LEF1: variants seen among roughly 807,000 people sequenced by gnomAD.
LEF1 encodes lymphoid enhancer binding factor 1.
Under a neutral mutation model 51.2 loss-of-function variants are expected in LEF1, and 14 were observed. The ratio of observed to expected loss-of-function variants is 0.27; its 90% CI spans 0.18 to 0.43. LEF1 has a LOEUF of 0.43. Ranked by LOEUF, LEF1 falls within the 20% of genes least tolerant of loss-of-function variation. LEF1 has a pLI of 1.00. For synonymous variants in LEF1, 185 were observed against 183.2 expected (o/e 1.01, Z -0.08); for missense variants, 386 against 512.0 (o/e 0.75, Z 2.37).
At position 108,048,650 on chromosome 4, in the gene LEF1, G is replaced by C. The variant is rs867508812; in HGVS notation, c.*108C>G. The C allele has an allele frequency of 2.6e-6, 4 of 1,546,246 alleles. No homozygotes were observed. The highest frequency in any genetic ancestry group is 2.7e-5 in the African/African-American group (2 of 73,038). On this transcript the variant is annotated 3_prime_UTR_variant, in exon 12 of 12. Coordinates refer to ENST00000265165, the MANE Select transcript of LEF1 (RefSeq NM_016269.5). ...TGTTCCTTTGGGGTCGACTGGGCAG[G>C]CCGTGGAGACAGTCTGGGTTTTCAA...
chr4:108,168,479 GAGA>G lies in LEF1; in HGVS notation c.-715_-713del, dbSNP rs1476346001. 1 of 152,288 alleles carries G rather than the reference GAGA, an allele frequency of 6.6e-6. No individual in the cohort carries two copies. The highest frequency in any genetic ancestry group is 3.2e-3 in the Middle Eastern group (1 of 316). 9.4% of individuals were successfully genotyped at this position (152,288 alleles called of 1,614,324 possible). Reference sequence around the variant, plus strand: ...TTCTCGAGGCTCATTTAATCTGCTAGAGAAGGAGGAGGAGCAGAAGATGGGGGC... The same window carrying G: ...TTCTCGAGGCTCATTTAATCTGCTAGAGGAGGAGGAGCAGAAGATGGGGGC... On this transcript the variant is annotated 5_prime_UTR_variant, in exon 1 of 12. Coordinates refer to ENST00000265165, the MANE Select transcript of LEF1 (RefSeq NM_016269.5). This position sits in a 1 kb window ranked among gnomAD's most constrained non-coding sequence, Gnocchi z 4.6.
Position 108,146,139 on chromosome 4 carries a change from C to T in LEF1, c.414+17429G>A, listed in dbSNP as rs142845210. ...GAGGAAAAGCTCTCCTGGACATGTT[C>T]TCCATGAGTAAAAACAACTGTGTTG... On this transcript the variant is annotated intron_variant, in intron 3 of 11. Transcript: ENST00000265165. 8.2e-4 allele frequency among the ~76,000 whole-genome samples: 125 copies of T among 152,350 alleles called. 1 individual carries two copies. The highest frequency in any genetic ancestry group is 3.1e-3 in the Admixed American group (48 of 15,310).
chr4:108,053,134 G>A (rs1737111243), intron 11 of LEF1, among the ~76,000 whole-genome samples: 1 of 152,132 alleles, frequency 6.6e-6, no homozygotes, highest in Non-Finnish European at 1.5e-5. Flanking sequence ...TCCTGGTGGA[G>A]GCAGTCTACA....
intron 3 of LEF1, among the ~76,000 whole-genome samples, chr4:108,096,387 A>G (rs1268021545): frequency 6.6e-6 from 1 of 152,196 alleles, no homozygotes; most frequent in Non-Finnish European, 1.5e-5. Context: ...GCAGAGCGAG[A>G]ATCCAATGGT....
rs1281555729 is a variant in LEF1 at position 108,165,159 on chromosome 4, G to A, written c.218C>T (p.Ala73Val). ...IIPASNGHEV[A>V]RQAQTSQEPY... ...CTCCTGAGAGGTTTGTGCTTGTCTG[G>A]CCACCTAACATCATGAATCCCCACA... The change falls in exon 2 of 12, where the codon GCC becomes GTC. Residue 73 changes from alanine (A) to valine (V), a missense_variant. This residue lies in a region of LEF1 where 335 missense variants were observed against 390.7 expected (regional missense o/e 0.86). Coordinates refer to ENST00000265165, the MANE Select transcript of LEF1 (RefSeq NM_016269.5). 1 of 1,613,776 alleles carries A rather than the reference G, an allele frequency of 6.2e-7. No individual in the cohort carries two copies. The highest frequency in any genetic ancestry group is 8.5e-7 in the Non-Finnish European group (1 of 1,179,902).
At chr4:108,124,003 C>G (rs1467913667) in intron 3 of LEF1, among the ~76,000 whole-genome samples, 2 of 151,974 alleles carry the variant, frequency 1.3e-5, no homozygotes, top group Non-Finnish European at 2.9e-5. Context: ...CTAAAAATAG[C>G]CATGTGTGAT....
chr4:108,130,614 C>G (rs990442397), intron 3 of LEF1, among the ~76,000 whole-genome samples: 4 of 149,748 alleles, frequency 2.7e-5, no homozygotes, highest in Non-Finnish European at 5.9e-5. Context: ...CCTGTAATCC[C>G]AGGTACTAGG....
intron 11 of LEF1, among the ~76,000 whole-genome samples, chr4:108,054,177 T>C (rs2126255635): frequency 1.3e-5 from 2 of 152,306 alleles, no homozygotes; most frequent in South Asian, 2.1e-4. Flanking sequence ...GGTTACCACC[T>C]GGAAATCTCG....
At chr4:108,062,515 C>T (rs1737763974) in intron 11 of LEF1, among the ~76,000 whole-genome samples, 1 of 152,144 alleles carries the variant, frequency 6.6e-6, no homozygotes, top group Admixed American at 6.5e-5. Context: ...GGGGGCAAAG[C>T]TACAAGGGCA....
intron 3 of LEF1, among the ~76,000 whole-genome samples, chr4:108,158,080 T>C (rs1201379446): frequency 6.6e-6 from 1 of 152,096 alleles, no homozygotes; most frequent in African/African-American, 2.4e-5. Context: ...TGTTGTTCTC[T>C]AGGATATTTT....
intron 3 of LEF1, among the ~76,000 whole-genome samples, chr4:108,134,989 C>T (rs746404245): frequency 6.6e-6 from 1 of 152,176 alleles, no homozygotes; most frequent in Non-Finnish European, 1.5e-5. Flanking sequence ...ATAAAAAACA[C>T]TACATCACTA....
intron 3 of LEF1, among the ~76,000 whole-genome samples, chr4:108,146,836 A>G (rs575419235): frequency 6.6e-6 from 1 of 152,310 alleles, no homozygotes; most frequent in South Asian, 2.1e-4. Flanking sequence ...ACAACTCAAG[A>G]GAAATGCAAG....
At chr4:108,049,197 C>T (rs1736817265) in intron 11 of LEF1, among the ~76,000 whole-genome samples, 1 of 152,142 alleles carries the variant, frequency 6.6e-6, no homozygotes, top group African/African-American at 2.4e-5. Context: ...AATCACATTA[C>T]CCAACGCACT....
At chr4:108,099,522 A>ATATATATGTGTATG (rs1553953027) in intron 3 of LEF1, among the ~76,000 whole-genome samples, 1 of 48,466 alleles carries the variant, frequency 2.1e-5, no homozygotes. Flanking sequence ...GTGTATGTAT[A>ATATATATGTGTATG]TATATATATA....
At chr4:108,103,478 C>T (rs988158988) in intron 3 of LEF1, among the ~76,000 whole-genome samples, 1 of 152,202 alleles carries the variant, frequency 6.6e-6, no homozygotes, top group African/African-American at 2.4e-5. Flanking sequence ...CCAGTTTACG[C>T]TACAAATTTC....
intron 3 of LEF1, among the ~76,000 whole-genome samples, chr4:108,102,004 T>C (rs1275263541): frequency 6.8e-6 from 1 of 147,518 alleles, no homozygotes; most frequent in Non-Finnish European, 1.5e-5. Flanking sequence ...AGCTTGCAAG[T>C]GAGCCAAGAT....
At chr4:108,054,742 C>T (rs1737211630) in intron 11 of LEF1, among the ~76,000 whole-genome samples, 1 of 152,058 alleles carries the variant, frequency 6.6e-6, no homozygotes, top group Admixed American at 6.5e-5. Flanking sequence ...AAGCATGATG[C>T]TAGCTGAGAA....
intron 3 of LEF1, among the ~76,000 whole-genome samples, chr4:108,125,083 T>A (rs1203850764): frequency 6.6e-6 from 1 of 152,258 alleles, no homozygotes; most frequent in African/African-American, 2.4e-5. Context: ...TCTGAACTAA[T>A]GCACTGAACT....
Position 108,167,840 on chromosome 4 carries a change from C to G in LEF1, c.-73G>C, listed in dbSNP as rs745752942. On this transcript the variant is annotated 5_prime_UTR_variant, in exon 1 of 12. Coordinates refer to ENST00000265165, the MANE Select transcript of LEF1 (RefSeq NM_016269.5). The surrounding 1 kb of genome is among the most constrained non-coding windows in gnomAD (Gnocchi z 5.7). Reference sequence around the variant, plus strand: ...CAGCAGGAAAGACAGAGGGGTAACTCAAGGGTGGGGGAGGAAAGGAGAGTT... The same window carrying G: ...CAGCAGGAAAGACAGAGGGGTAACTGAAGGGTGGGGGAGGAAAGGAGAGTT... The G allele has an allele frequency of 7.5e-7, 1 of 1,337,366 alleles. No homozygotes were observed. Among genetic ancestry groups the G allele is most frequent in the Non-Finnish European group, 1.0e-6 (1 of 954,134 alleles). 82.8% of individuals were successfully genotyped at this position (1,337,366 alleles called of 1,614,324 possible).
Sources: allele counts gnomAD v4.1 joint callset (sites outside exome capture counted in the v4.1 genomes callset), GRCh38; gene constraint gnomAD v4.1.1; regional missense constraint gnomAD v4.1.1; non-coding constraint Gnocchi (gnomAD v3.1); transcripts MANE v1.5; gene names NCBI Gene and HGNC (gene_info 2026-07-23, HGNC 2026-07-21).